Variants in SNTG1 observed in about 807,000 individuals in gnomAD.
SNTG1 encodes syntrophin gamma 1, also known as gamma-1-syntrophin.
A neutral mutation model predicts 74.7 loss-of-function variants in SNTG1; 39 were observed. The observed-to-expected ratio is 0.52, with a 90% CI of 0.40 to 0.68. SNTG1 has a LOEUF of 0.68. SNTG1 is among the 30% of genes least tolerant of loss of function. The pLI is 0.00. For missense variants in SNTG1, 685 were observed against 609.5 expected, an observed-to-expected ratio of 1.12 and a Z score of -1.30; for synonymous variants, 254 against 217.1, an observed-to-expected ratio of 1.17 and a Z score of -1.49.
chr8:50,125,466 G>A (rs1312754947), intron 1 of SNTG1, among the ~76,000 whole-genome samples: 1 of 141,990 alleles, frequency 7.0e-6, no homozygotes, highest in African/African-American at 2.5e-5. Flanking sequence ...TTATTTATGA[G>A]TGTGTCACAT....
rs373926098 is a variant in SNTG1, at chr8:50,298,079, C to A, written c.-27-96133C>A. Among the ~76,000 whole-genome samples the A allele has an allele frequency of 6.6e-5, 10 of 151,750 alleles. No individual in the cohort carries two copies. In the East Asian group the frequency reaches 1.9e-3, roughly 30 times the overall value. On this transcript the variant is annotated intron_variant, in intron 2 of 18. Coordinates refer to ENST00000642720, the MANE Select transcript of SNTG1 (RefSeq NM_018967.5). ...AGGGCCGAATCATCTTGTCACTGGC[C>A]AGCTTTACACCTGCTCATCCCTCTC...
At chr8:50,020,057 CT>C (rs780688657) in intron 1 of SNTG1, among the ~76,000 whole-genome samples, 5 of 152,086 alleles carry the variant, frequency 3.3e-5, no homozygotes, top group African/African-American at 4.8e-5. Context: ...CTAATTGAGC[CT>C]TTTGTGCCAC....
chr8:50,327,955 A>G (rs1054622660), intron 2 of SNTG1, among the ~76,000 whole-genome samples: 15 of 152,090 alleles, frequency 9.9e-5, no homozygotes, highest in Non-Finnish European at 1.2e-4. Context: ...AATATTCCTA[A>G]TTCCTCTATC....
intron 8 of SNTG1, 48 bp from the exon 9 acceptor site, chr8:50,502,730 A>G (rs758390630): frequency 1.4e-6 from 2 of 1,471,654 alleles, no homozygotes; most frequent in South Asian, 1.2e-5. Flanking sequence ...CCATCATATA[A>G]CATGATAAAT....
At chr8:50,057,123 C>T (rs892961157) in intron 1 of SNTG1, among the ~76,000 whole-genome samples, 5 of 152,110 alleles carry the variant, frequency 3.3e-5, no homozygotes, top group Admixed American at 1.3e-4. Context: ...AAATAAATTA[C>T]GTGGACAGCC....
intron 8 of SNTG1, among the ~76,000 whole-genome samples, chr8:50,455,406 C>A (rs1403572145): frequency 6.6e-6 from 1 of 152,046 alleles, no homozygotes; most frequent in African/African-American, 2.4e-5. Flanking sequence ...ATTTGAATTG[C>A]AAAAATTAAC....
chr8:50,394,088 C>T (rs567456697), intron 2 of SNTG1, 124 bp from the exon 3 acceptor site: 1 of 627,254 alleles, frequency 1.6e-6, no homozygotes, highest in African/African-American at 1.9e-5. Context: ...GCTCTTGTTC[C>T]TTACAAGTGG....
intron 1 of SNTG1, among the ~76,000 whole-genome samples, chr8:50,068,845 T>C (rs993858798): frequency 1.3e-5 from 2 of 152,220 alleles, no homozygotes; most frequent in African/African-American, 2.4e-5. Flanking sequence ...CTGCTGCTGC[T>C]GTCTTGTCAG....
At chr8:50,184,851 C>A (rs987715502) in intron 2 of SNTG1, among the ~76,000 whole-genome samples, 1 of 151,992 alleles carries the variant, frequency 6.6e-6, no homozygotes, top group Non-Finnish European at 1.5e-5. Flanking sequence ...TATTAAATAT[C>A]CTTTTTGTGG....
chr8:50,182,030 T>C (rs537354896), intron 2 of SNTG1, among the ~76,000 whole-genome samples: 1 of 152,206 alleles, frequency 6.6e-6, no homozygotes, highest in Non-Finnish European at 1.5e-5. Context: ...CTACACTTCT[T>C]TGTTACAGTA....
intron 1 of SNTG1, among the ~76,000 whole-genome samples, chr8:50,162,831 A>G (rs775038635): frequency 2.6e-5 from 4 of 152,094 alleles, no homozygotes; most frequent in Non-Finnish European, 5.9e-5. Context: ...GGAGGTAAAC[A>G]TGCCCCGGCT....
chr8:50,722,760 C>A (rs1250413371), intron 17 of SNTG1, among the ~76,000 whole-genome samples: 1 of 151,974 alleles, frequency 6.6e-6, no homozygotes, highest in Non-Finnish European at 1.5e-5. Context: ...TTGTGTTGTT[C>A]TTTCTTCATC....
intron 2 of SNTG1, among the ~76,000 whole-genome samples, chr8:50,335,817 A>ATCATT (rs1554643223): frequency 7.1e-6 from 1 of 141,380 alleles, no homozygotes; most frequent in Non-Finnish European, 1.5e-5. Flanking sequence ...TTTATGTTTT[A>ATCATT]TTATTTTATT....
rs774004658 is a variant in SNTG1 at position 50,402,320 on chromosome 8, G to A, written c.138G>A (p.Val46=). Residue 46 remains valine, a synonymous_variant, in exon 4 of 19, where the codon GTG becomes GTA. Transcript: ENST00000642720. ...LMIQEQDVIC[V]SGEPFYSGER... The stretch of plus-strand genomic sequence containing the variant: ...TCCAGGAACAGGATGTGATATGTGT[G>A]TCTGGTGAGCCTTTCTATTCTGGTG... 1.9e-6 allele frequency: 3 copies of A among 1,608,872 alleles called. No individual in the cohort carries two copies. The highest frequency in any genetic ancestry group is 2.5e-6 in the Non-Finnish European group (3 of 1,178,780).
chr8:50,065,414 G>A (rs568971438), intron 1 of SNTG1, among the ~76,000 whole-genome samples: 115 of 152,190 alleles, frequency 7.6e-4, no homozygotes, highest in African/African-American at 2.6e-3. Flanking sequence ...TAAATAAATA[G>A]AATAAATAAA....
At chr8:50,318,829 C>G (rs1013179709) in intron 2 of SNTG1, among the ~76,000 whole-genome samples, 3 of 152,084 alleles carry the variant, frequency 2.0e-5, no homozygotes, top group Non-Finnish European at 4.4e-5. Flanking sequence ...CATCAACCTT[C>G]TATTTTAATA....
intron 10 of SNTG1, among the ~76,000 whole-genome samples, chr8:50,531,363 C>G (rs551219924): frequency 2.6e-5 from 4 of 151,202 alleles, no homozygotes; most frequent in Non-Finnish European, 1.5e-5. Context: ...AATTGCCACA[C>G]AATAAGTGGC....
At chr8:50,461,421 T>C (rs2093561127) in intron 8 of SNTG1, among the ~76,000 whole-genome samples, 1 of 152,164 alleles carries the variant, frequency 6.6e-6, no homozygotes. Context: ...CTATACCCAA[T>C]GCCAATTATG....
intron 15 of SNTG1, among the ~76,000 whole-genome samples, chr8:50,701,572 A>G (rs779811965): frequency 1.0e-5 from 1 of 96,608 alleles, no homozygotes; most frequent in Non-Finnish European, 1.9e-5. Context: ...TTGTGATATA[A>G]TACCTTTTTC....
Sources: allele counts gnomAD v4.1 joint callset (sites outside exome capture counted in the v4.1 genomes callset), GRCh38; gene constraint gnomAD v4.1.1; transcripts MANE v1.5; gene names NCBI Gene and HGNC (gene_info 2026-07-23, HGNC 2026-07-21).